MED13L: variants seen among roughly 807,000 people sequenced by gnomAD.
The protein encoded by MED13L is mediator of RNA polymerase II transcription subunit 13-like.
In MED13L, 7 loss-of-function variants were observed where a neutral mutation model predicts 220.9. That is an observed-to-expected ratio of 0.03 (90% CI 0.02 to 0.06). MED13L has a LOEUF of 0.06. Ranked by LOEUF, MED13L falls within the 10% of genes least tolerant of loss-of-function variation. The pLI is 1.00. For missense variants in MED13L, 1,965 were observed against 2,760.5 expected, an observed-to-expected ratio of 0.71 and a Z score of 6.46; for synonymous variants, 1,011 against 1,015.2, an observed-to-expected ratio of 1.00 and a Z score of 0.08.
At chr12:115,993,380 T>C (rs975391890) in intron 16 of MED13L, among the ~76,000 whole-genome samples, 2 of 152,198 alleles carry the variant, frequency 1.3e-5, no homozygotes, top group African/African-American at 4.8e-5. Flanking sequence ...TCCAATAAAC[T>C]ACATATTCAG....
intron 4 of MED13L, among the ~76,000 whole-genome samples, chr12:116,093,735 ATACTT>A (rs1460561559): frequency 6.6e-6 from 1 of 152,074 alleles, no homozygotes; most frequent in Non-Finnish European, 1.5e-5. Context: ...GTATTACACT[ATACTT>A]AGAAATAAGA....
chr12:116,231,083 C>A (rs1869514211), intron 2 of MED13L, among the ~76,000 whole-genome samples: 1 of 152,150 alleles, frequency 6.6e-6, no homozygotes, highest in Admixed American at 6.5e-5. Flanking sequence ...AAAATGCAGT[C>A]TTCATGTGAT....
chr12:115,983,102 T>C lies in MED13L; in HGVS notation c.4955+15A>G, dbSNP rs930391734. 8.1e-6 allele frequency: 13 copies of C among 1,612,842 alleles called. No homozygotes were observed. In the African/African-American group the frequency reaches 1.3e-4, roughly 17 times the overall value. ...CTGAGCTGAAGCCACTCATCTCAAT[T>C]AGTGAATAACATACCTCTCTTGTCC... On this transcript the variant is annotated intron_variant, in intron 21 of 30. Transcript: ENST00000281928.
chr12:115,987,819 C>G (rs1035684917), intron 17 of MED13L, among the ~76,000 whole-genome samples: 2 of 152,192 alleles, frequency 1.3e-5, no homozygotes, highest in African/African-American at 4.8e-5. Context: ...GGAAACACAG[C>G]TGAAGCCCTC....
chr12:116,216,685 A>G (rs1353114357), intron 2 of MED13L, among the ~76,000 whole-genome samples: 1 of 152,210 alleles, frequency 6.6e-6, no homozygotes, highest in East Asian at 1.9e-4. Flanking sequence ...CAATGTAAGA[A>G]GCATAAAGCC....
chr12:116,025,270 C>T (rs1255402890), intron 4 of MED13L, among the ~76,000 whole-genome samples: 1 of 152,142 alleles, frequency 6.6e-6, no homozygotes, highest in East Asian at 1.9e-4. Flanking sequence ...GACCTTTATA[C>T]ACTGTTGGTG....
intron 16 of MED13L, among the ~76,000 whole-genome samples, chr12:115,994,211 C>T (rs1008184101): frequency 6.6e-6 from 1 of 152,038 alleles, no homozygotes; most frequent in Non-Finnish European, 1.5e-5. Context: ...TTTAGGAGGC[C>T]GAGGCAGGAG....
At chr12:116,046,017 T>A (rs1160136152) in intron 4 of MED13L, among the ~76,000 whole-genome samples, 1 of 152,094 alleles carries the variant, frequency 6.6e-6, no homozygotes, top group Non-Finnish European at 1.5e-5. Flanking sequence ...GAGAAAGACA[T>A]GCTTAAAAAA....
intron 4 of MED13L, among the ~76,000 whole-genome samples, chr12:116,078,609 T>G (rs181029302): frequency 1.6e-4 from 24 of 152,292 alleles, no homozygotes; most frequent in Non-Finnish European, 2.6e-4. Flanking sequence ...TAAATAAAGC[T>G]TTATTGGAAC....
chr12:116,182,975 A>G (rs1398382121), intron 2 of MED13L, among the ~76,000 whole-genome samples: 1 of 152,244 alleles, frequency 6.6e-6, no homozygotes, highest in Non-Finnish European at 1.5e-5. Flanking sequence ...GTAACCACAC[A>G]GCAGACAGGC....
chr12:116,052,571 T>TG (rs1215156166), intron 4 of MED13L, among the ~76,000 whole-genome samples: 1 of 152,214 alleles, frequency 6.6e-6, no homozygotes, highest in Non-Finnish European at 1.5e-5. Context: ...GTGATCTTTG[T>TG]GGGGGAAAAG....
chr12:116,201,460 T>C (rs1199427973), intron 2 of MED13L, among the ~76,000 whole-genome samples: 1 of 151,272 alleles, frequency 6.6e-6, no homozygotes, highest in African/African-American at 2.4e-5. Context: ...AAATGACACA[T>C]GTAGATCAAC....
chr12:116,034,832 CCT>C (rs1881076334), intron 4 of MED13L, among the ~76,000 whole-genome samples: 1 of 152,036 alleles, frequency 6.6e-6, no homozygotes, highest in East Asian at 1.9e-4. Context: ...ATGGTGTAAC[CCT>C]GTCTCTACTA....
At chr12:116,049,751 G>C (rs939282398) in intron 4 of MED13L, among the ~76,000 whole-genome samples, 2 of 152,124 alleles carry the variant, frequency 1.3e-5, no homozygotes, top group African/African-American at 4.8e-5. Flanking sequence ...TGAACACTTA[G>C]CCTCATATAC....
chr12:116,140,661 C>T (rs117572154), intron 2 of MED13L, among the ~76,000 whole-genome samples: 2,937 of 152,248 alleles, frequency 0.019, 53 homozygotes, highest in Middle Eastern at 0.051. Context: ...TACGTAATTA[C>T]AAAAACTGGT....
intron 20 of MED13L, 146 bp downstream of exon 20, chr12:115,984,034 C>T: frequency 1.0e-6 from 1 of 961,306 alleles, no homozygotes; most frequent in Non-Finnish European, 1.6e-6. Flanking sequence ...TAGCATTAAA[C>T]TGCCCAGAAC....
chr12:116,077,929 G>C (rs1202900397), intron 4 of MED13L, among the ~76,000 whole-genome samples: 4 of 152,180 alleles, frequency 2.6e-5, no homozygotes. Context: ...GAGGCGTGTA[G>C]ATCACTTACG....
intron 1 of MED13L, among the ~76,000 whole-genome samples, chr12:116,258,529 C>A (rs1201344584): frequency 1.3e-5 from 2 of 152,098 alleles, no homozygotes; most frequent in East Asian, 3.9e-4. Context: ...GTAATCCCAG[C>A]ACTTTGGGAG....
Position 116,255,005 on chromosome 12 carries a change from T to C in MED13L, c.73-17300A>G, listed in dbSNP as rs529376417. Among the ~76,000 whole-genome samples, 5 of 152,186 alleles carry C rather than the reference T, an allele frequency of 3.3e-5. No homozygotes were observed. In the East Asian group the frequency reaches 5.8e-4, roughly 18 times the overall value. ...TCTACAGATTCAATACAATCACAAATAAATCCCCACAGAAAAAAAATTTTT... is the reference window on the plus strand; with the variant it reads ...TCTACAGATTCAATACAATCACAAACAAATCCCCACAGAAAAAAAATTTTT... On this transcript the variant is annotated intron_variant, in intron 1 of 30. Coordinates refer to ENST00000281928, the MANE Select transcript of MED13L (RefSeq NM_015335.5).
Sources: allele counts gnomAD v4.1 joint callset (sites outside exome capture counted in the v4.1 genomes callset), GRCh38; gene constraint gnomAD v4.1.1; transcripts MANE v1.5; gene names NCBI Gene and HGNC (gene_info 2026-07-23, HGNC 2026-07-21).